Variants in MPPED2 observed in about 807,000 individuals in gnomAD.
The protein encoded by MPPED2 is metallophosphoesterase MPPED2.
Under a neutral mutation model 33.0 loss-of-function variants are expected in MPPED2, and 5 were observed. That is an observed-to-expected ratio of 0.15 (90% confidence interval 0.08 to 0.32). MPPED2 has a LOEUF of 0.32. Among genes scored for constraint, MPPED2 ranks in the 10% least tolerant of loss-of-function variants. The pLI is 1.00. For missense variants in MPPED2, 275 were observed against 372.1 expected, an observed-to-expected ratio of 0.74 and a Z score of 2.15; for synonymous variants, 136 against 141.9, an observed-to-expected ratio of 0.96 and a Z score of 0.29.
intron 4 of MPPED2, among the ~76,000 whole-genome samples, chr11:30,431,389 A>G (rs1949071490): frequency 6.6e-6 from 1 of 152,146 alleles, no homozygotes; most frequent in South Asian, 2.1e-4. Flanking sequence ...AAGCTGCTGC[A>G]CCTCTCTGAA....
intron 4 of MPPED2, among the ~76,000 whole-genome samples, chr11:30,444,836 C>A (rs1949733874): frequency 6.6e-6 from 1 of 152,090 alleles, no homozygotes; most frequent in South Asian, 2.1e-4. Flanking sequence ...TCCCCATCAC[C>A]ATGTTTAATA....
chr11:30,413,515 G>T (rs1039596134), intron 6 of MPPED2, among the ~76,000 whole-genome samples: 2 of 152,194 alleles, frequency 1.3e-5, no homozygotes, highest in Non-Finnish European at 2.9e-5. Flanking sequence ...ATTCCTGTTA[G>T]GCTTTCGGTT....
chr11:30,456,878 C>A (rs1284659122), intron 4 of MPPED2, among the ~76,000 whole-genome samples: 1 of 152,088 alleles, frequency 6.6e-6, no homozygotes, highest in Non-Finnish European at 1.5e-5. Context: ...ATTATTCATG[C>A]AATCATACAG....
intron 3 of MPPED2, among the ~76,000 whole-genome samples, chr11:30,503,783 G>A (rs1486830880): frequency 2.6e-5 from 4 of 152,082 alleles, no homozygotes; most frequent in Admixed American, 2.0e-4. Context: ...AAAAATGTCT[G>A]GGGCATAGCA....
chr11:30,412,750 T>C (rs1356925108), intron 6 of MPPED2, among the ~76,000 whole-genome samples: 1 of 152,242 alleles, frequency 6.6e-6, no homozygotes, highest in Admixed American at 6.5e-5. Context: ...GACAAGTTTA[T>C]ATGAATATGA....
chr11:30,576,802 A>C (rs1197653738), intron 2 of MPPED2, among the ~76,000 whole-genome samples: 1 of 151,976 alleles, frequency 6.6e-6, no homozygotes, highest in Non-Finnish European at 1.5e-5. Flanking sequence ...GAGGCACACA[A>C]ATTCTAGGTT....
intron 2 of MPPED2, among the ~76,000 whole-genome samples, chr11:30,577,485 G>A (rs7934186): frequency 0.011 from 1,616 of 152,214 alleles, 25 homozygotes; most frequent in African/African-American, 0.037. Flanking sequence ...TCTTTACCTC[G>A]GGGAGAGGAG....
At chr11:30,585,127 C>T (rs370401654) in intron 1 of MPPED2, among the ~76,000 whole-genome samples, 68 of 152,250 alleles carry the variant, frequency 4.5e-4, no homozygotes, top group African/African-American at 1.6e-3. Flanking sequence ...GGCCGCAAAA[C>T]CCCGGAATTC....
intron 3 of MPPED2, among the ~76,000 whole-genome samples, chr11:30,511,875 T>C (rs1482475412): frequency 6.6e-6 from 1 of 152,234 alleles, no homozygotes; most frequent in Non-Finnish European, 1.5e-5. Flanking sequence ...GAGATTAAAA[T>C]GCAATCCATT....
exon 7 of MPPED2, chr11:30,387,569 G>A (rs1017297944): frequency 8.5e-5 from 13 of 152,152 alleles, no homozygotes; most frequent in African/African-American, 2.7e-4. Context: ...GAAAAGGAAC[G>A]GAGCAATGGG....
chr11:30,489,358 C>T (rs1471975043), intron 4 of MPPED2, among the ~76,000 whole-genome samples: 1 of 152,220 alleles, frequency 6.6e-6, no homozygotes, highest in African/African-American at 2.4e-5. Flanking sequence ...AACCTTGTAG[C>T]TATTTGTGTG....
chr11:30,524,551 G>T (rs1023316513), intron 3 of MPPED2, among the ~76,000 whole-genome samples: 1 of 152,198 alleles, frequency 6.6e-6, no homozygotes, highest in Non-Finnish European at 1.5e-5. Flanking sequence ...CAGCCTCAGA[G>T]TGTTGTGAGG....
chr11:30,414,503 C>T (rs1948252406), intron 5 of MPPED2, among the ~76,000 whole-genome samples, 162 bp from the exon 6 acceptor site: 1 of 152,106 alleles, frequency 6.6e-6, no homozygotes, highest in African/African-American at 2.4e-5. Context: ...TTTCACTCGT[C>T]ACTTTGTCTT....
chr11:30,411,014 A>G lies in MPPED2; in HGVS notation c.*454T>C. 1 of 985,912 alleles carries G rather than the reference A, an allele frequency of 1.0e-6. No homozygotes were observed. The highest frequency in any genetic ancestry group is 4.7e-5 in the South Asian group (1 of 21,278). 61.1% of individuals were successfully genotyped at this position (985,912 alleles called of 1,614,324 possible). On this transcript the variant is annotated 3_prime_UTR_variant, in exon 7 of 7. Transcript: ENST00000358117. ...ATTGGGACCACATCTGCAAAAAAGA[A>G]GCATTACCAAGAAAACAACAACAAC...
Position 30,414,292 on chromosome 11 carries a change from C to T in MPPED2, c.702G>A (p.Glu234=). The T allele has an allele frequency of 6.2e-7, 1 of 1,614,062 alleles. No individual in the cohort carries two copies. Among genetic ancestry groups the T allele is most frequent in the Non-Finnish European group, 8.5e-7 (1 of 1,179,936 alleles). ...PKELQRVGCV[E]LLNTVQRRVR... is the part of the protein sequence containing the mutation. ...CTCGCCTCTGAACCGTGTTTAACAG[C>T]TCCACACAGCCCACTCTTTGAAGCT... The change falls in exon 6 of 7, where the codon GAG becomes GAA. Residue 234 remains glutamate (E), a synonymous_variant. Coordinates refer to ENST00000358117, the MANE Select transcript of MPPED2 (RefSeq NM_001584.3).
At chr11:30,455,835 C>T (rs753942036) in intron 4 of MPPED2, among the ~76,000 whole-genome samples, 71 of 152,232 alleles carry the variant, frequency 4.7e-4, no homozygotes, top group Non-Finnish European at 8.7e-4. Flanking sequence ...CTCAGAACTG[C>T]CTCTGGGCAC....
Position 30,583,134 on chromosome 11 carries a change from C to CTTTTTCTTT in MPPED2, c.-121-2641_-121-2640insAAAGAAAAA, listed in dbSNP as rs1957251845. ...CACAAACACCTGGAAAAGACTTTTT[C>CTTTTTCTTT]TTTTTTTTTTTTTTTTTTTTTTTTT... is the stretch of plus-strand genomic sequence containing the variant. On this transcript the variant is annotated intron_variant, in intron 1 of 6. Coordinates refer to ENST00000358117, the MANE Select transcript of MPPED2 (RefSeq NM_001584.3). 4.1e-5 allele frequency among the ~76,000 whole-genome samples: 4 copies of CTTTTTCTTT among 96,680 alleles called. 1 individual carries two copies. The highest frequency in any genetic ancestry group is 1.9e-4 in the African/African-American group (4 of 20,688). 63.4% of individuals were successfully genotyped at this position (96,680 alleles called of 152,430 possible).
rs1953538157 is a variant in MPPED2, at chr11:30,516,473, A to G, written c.310+19521T>C. ...CTCAGAAGAGCCCATGAAGCACTGG[A>G]ATGAAAACAGTTAATTATCAAGTCA... On this transcript the variant is annotated intron_variant, in intron 3 of 6. Coordinates refer to ENST00000358117, the MANE Select transcript of MPPED2 (RefSeq NM_001584.3). Among the ~76,000 whole-genome samples, 3 of 152,194 alleles carry G rather than the reference A, an allele frequency of 2.0e-5. No homozygotes were observed. The South Asian group carries it at 6.2e-4, about 32-fold the overall frequency.
In MPPED2 at chr11:30,414,221, T is replaced by C. The variant is rs751804084; in HGVS notation, c.766+7A>G. The C allele has an allele frequency of 4.4e-6, 7 of 1,600,882 alleles. No homozygotes were observed. The highest frequency in any genetic ancestry group is 4.3e-6 in the Non-Finnish European group (5 of 1,168,022). On this transcript the variant is annotated splice_region_variant and intron_variant, in intron 6 of 6. Transcript: ENST00000358117. ...AAATGTTTTGAATTCTTTTCCGCTG[T>C]TCTTACCTTCATGGATTCCACCAAA...
Sources: gnomAD v4.1 joint callset for allele counts (sites outside exome capture counted in the v4.1 genomes callset) on GRCh38, gnomAD v4.1.1 for gene constraint, MANE v1.5 for transcripts, NCBI Gene and HGNC (gene_info 2026-07-23, HGNC 2026-07-21) for gene names.